The following ANKRD55 variants were observed in gnomAD, a reference collection of about 807,000 sequenced individuals.
The protein encoded by ANKRD55 is ankyrin repeat domain 55, also known as ankyrin repeat domain-containing protein 55.
Under a neutral mutation model 60.6 loss-of-function variants are expected in ANKRD55, and 41 were observed. That is an observed-to-expected ratio of 0.68 (90% confidence interval 0.53 to 0.88). ANKRD55 has a LOEUF of 0.88. Ranked by LOEUF, ANKRD55 falls within the 40% of genes least tolerant of loss-of-function variation. ANKRD55 has a pLI of 0.00. For synonymous variants in ANKRD55, 264 were observed against 290.3 expected (o/e 0.91, Z 0.92); for missense variants, 732 against 767.6 (o/e 0.95, Z 0.55).
At position 56,124,269 on chromosome 5, in the gene ANKRD55, C is replaced by T. The variant is rs987767215; in HGVS notation, c.797+2653G>A. On this transcript the variant is annotated intron_variant, in intron 8 of 11. Coordinates refer to ENST00000341048, the MANE Select transcript of ANKRD55 (RefSeq NM_024669.3). ...TGTGTCATATCTTAGGTAAGTACTA[C>T]AATGTTTTAAGTACCATAGACTTAT... Among the ~76,000 whole-genome samples, 74 of 152,192 alleles carry T rather than the reference C, an allele frequency of 4.9e-4. 2 individuals carry two copies. The highest frequency in any genetic ancestry group is 1.7e-3 in the African/African-American group (71 of 41,482).
intron 6 of ANKRD55, among the ~76,000 whole-genome samples, chr5:56,158,830 A>T (rs1758256188): frequency 6.6e-6 from 1 of 151,954 alleles, no homozygotes; most frequent in African/African-American, 2.4e-5. Flanking sequence ...AGTAGCTGGG[A>T]CTATAGGCAT....
intron 2 of ANKRD55, among the ~76,000 whole-genome samples, chr5:56,186,508 C>T (rs1333782791): frequency 6.6e-6 from 1 of 152,092 alleles, no homozygotes; most frequent in African/African-American, 2.4e-5. Flanking sequence ...GGATAACTAC[C>T]TACCTCTCTT....
At chr5:56,213,760 G>C (rs1459258100) in intron 2 of ANKRD55, among the ~76,000 whole-genome samples, 2 of 152,206 alleles carry the variant, frequency 1.3e-5, no homozygotes, top group African/African-American at 4.8e-5. Context: ...ACCAGGACCA[G>C]AGGGCAGGGA....
intron 2 of ANKRD55, among the ~76,000 whole-genome samples, chr5:56,226,212 A>G (rs1043123770): frequency 6.6e-6 from 1 of 152,236 alleles, no homozygotes; most frequent in Non-Finnish European, 1.5e-5. Context: ...GAGAAATCTG[A>G]CAAAAACAAG....
intron 2 of ANKRD55, among the ~76,000 whole-genome samples, chr5:56,187,000 A>G (rs538307645): frequency 2.0e-5 from 3 of 152,380 alleles, no homozygotes; most frequent in South Asian, 2.1e-4. Context: ...CAATCCGTTC[A>G]TCACTGAGTG....
At chr5:56,122,713 C>T (rs1757107491) in intron 8 of ANKRD55, among the ~76,000 whole-genome samples, 1 of 151,430 alleles carries the variant, frequency 6.6e-6, no homozygotes, top group African/African-American at 2.4e-5. Flanking sequence ...TGTCACAAAA[C>T]TATGTTCTGA....
chr5:56,148,066 T>C (rs1757943369), intron 6 of ANKRD55, among the ~76,000 whole-genome samples: 1 of 152,210 alleles, frequency 6.6e-6, no homozygotes, highest in Non-Finnish European at 1.5e-5. Flanking sequence ...ATATTCAGCA[T>C]GGTATGCTCC....
intron 6 of ANKRD55, among the ~76,000 whole-genome samples, chr5:56,149,924 C>T (rs1159567621): frequency 2.6e-5 from 4 of 151,876 alleles, no homozygotes; most frequent in Admixed American, 2.0e-4. Flanking sequence ...TTACTGCAAC[C>T]TCCACCTCCT....
intron 9 of ANKRD55, among the ~76,000 whole-genome samples, chr5:56,112,618 GC>G (rs1756767603): frequency 6.6e-6 from 1 of 151,682 alleles, no homozygotes; most frequent in Non-Finnish European, 1.5e-5. Flanking sequence ...AGTGAGCAAT[GC>G]CCAATGCGCA....
chr5:56,122,869 A>G (rs6896626), intron 8 of ANKRD55, among the ~76,000 whole-genome samples: 79,869 of 150,840 alleles, frequency 0.53, 21,862 homozygotes, highest in African/African-American at 0.63. Flanking sequence ...GGGCTCAAGC[A>G]ATCCTCACAT....
At chr5:56,185,165 G>A (rs1406702887) in intron 2 of ANKRD55, among the ~76,000 whole-genome samples, 1 of 152,032 alleles carries the variant, frequency 6.6e-6, no homozygotes. Context: ...AGAGGGTGCA[G>A]TGAGCCGAGA....
chr5:56,172,636 T>C (rs1159188399), intron 4 of ANKRD55, among the ~76,000 whole-genome samples: 1 of 152,208 alleles, frequency 6.6e-6, no homozygotes, highest in East Asian at 1.9e-4. Context: ...TCTGAAACCC[T>C]TGGTCAGTCA....
At chr5:56,121,522 G>C (rs13161361) in intron 8 of ANKRD55, among the ~76,000 whole-genome samples, 1 of 151,496 alleles carries the variant, frequency 6.6e-6, no homozygotes, top group East Asian at 1.9e-4. Flanking sequence ...ACAGGCGCCC[G>C]CCACCACACC....
At chr5:56,104,843 G>C (rs1319669850) in intron 10 of ANKRD55, among the ~76,000 whole-genome samples, 1 of 152,102 alleles carries the variant, frequency 6.6e-6, no homozygotes, top group Non-Finnish European at 1.5e-5. Context: ...GAGTAGTGCT[G>C]TGATAGAGTT....
chr5:56,148,631 A>G (rs1326782365), intron 6 of ANKRD55, among the ~76,000 whole-genome samples: 1 of 151,598 alleles, frequency 6.6e-6, no homozygotes, highest in Admixed American at 6.6e-5. Context: ...AAAGGCTTAC[A>G]AGTCCTATCA....
intron 7 of ANKRD55, among the ~76,000 whole-genome samples, chr5:56,137,723 C>G (rs1288257648): frequency 7.2e-5 from 11 of 152,062 alleles, no homozygotes; most frequent in Admixed American, 2.0e-4. Flanking sequence ...AGGACACTGC[C>G]AAAAGAATAA....
intron 10 of ANKRD55, 95 bp from the exon 11 acceptor site, chr5:56,102,681 A>T: frequency 1.2e-6 from 1 of 811,912 alleles, no homozygotes; most frequent in South Asian, 1.5e-5. Flanking sequence ...GTTGTTACAG[A>T]TCACTAAATT....
intron 6 of ANKRD55, among the ~76,000 whole-genome samples, chr5:56,146,521 C>T (rs764583297): frequency 7.2e-5 from 11 of 152,060 alleles, no homozygotes; most frequent in Non-Finnish European, 1.6e-4. Flanking sequence ...CTGACCTTAG[C>T]AGCCCACCTC....
chr5:56,189,241 G>A (rs1005122289), intron 2 of ANKRD55, among the ~76,000 whole-genome samples: 5 of 151,220 alleles, frequency 3.3e-5, no homozygotes, highest in African/African-American at 1.2e-4. Flanking sequence ...AATCCGGGAG[G>A]CGGAGCTTGC....
Sources: gnomAD v4.1 joint callset for allele counts (sites outside exome capture counted in the v4.1 genomes callset) on GRCh38, gnomAD v4.1.1 for gene constraint, MANE v1.5 for transcripts, NCBI Gene and HGNC (gene_info 2026-07-23, HGNC 2026-07-21) for gene names.